Variants in ANO6 observed in about 807,000 individuals in gnomAD.
ANO6 encodes anoctamin-6.
ANO6 carries 106 observed loss-of-function variants against 117.5 expected under a neutral mutation model. The ratio of observed to expected loss-of-function variants is 0.90; its 90% CI spans 0.77 to 1.06. ANO6 has a LOEUF of 1.06. ANO6 is among the 50% of genes least tolerant of loss of function. The pLI, the probability that ANO6 is intolerant of heterozygous loss-of-function variation, is 0.00. For missense variants in ANO6, 955 were observed against 1,121.1 expected, an observed-to-expected ratio of 0.85 and a Z score of 2.12; for synonymous variants, 367 against 385.1, an observed-to-expected ratio of 0.95 and a Z score of 0.55.
At chr12:45,289,300 C>T (rs1045215311) in intron 1 of ANO6, among the ~76,000 whole-genome samples, 4 of 150,892 alleles carry the variant, frequency 2.7e-5, no homozygotes, top group Non-Finnish European at 5.9e-5. Flanking sequence ...CTGAGTAGCT[C>T]GGATTACAGG....
At chr12:45,240,907 G>T (rs1235114539) in intron 1 of ANO6, among the ~76,000 whole-genome samples, 1 of 152,194 alleles carries the variant, frequency 6.6e-6, no homozygotes, top group Non-Finnish European at 1.5e-5. Context: ...TAGGGTTTCT[G>T]CTGAGAGATG....
At chr12:45,341,760 G>A (rs577886710) in intron 3 of ANO6, among the ~76,000 whole-genome samples, 3 of 152,290 alleles carry the variant, frequency 2.0e-5, no homozygotes, top group East Asian at 3.9e-4. Context: ...GCATGGTGTA[G>A]AGGCAGAGTG....
intron 1 of ANO6, among the ~76,000 whole-genome samples, chr12:45,229,961 T>G (rs577251231): frequency 6.7e-6 from 1 of 148,688 alleles, no homozygotes; most frequent in East Asian, 2.0e-4. Context: ...AAAATCTCAC[T>G]TTGCAGGATG....
intron 1 of ANO6, among the ~76,000 whole-genome samples, chr12:45,226,803 A>G (rs1363627045): frequency 6.6e-6 from 1 of 151,720 alleles, no homozygotes; most frequent in Non-Finnish European, 1.5e-5. Context: ...AAGATAATAC[A>G]TTTTCTCTGC....
At chr12:45,362,644 A>C (rs1254627098) in intron 8 of ANO6, among the ~76,000 whole-genome samples, 1 of 151,940 alleles carries the variant, frequency 6.6e-6, no homozygotes, top group South Asian at 2.1e-4. Context: ...TTTGTGTGTT[A>C]AATAGATATT....
chr12:45,363,960 G>A (rs1941621063), intron 8 of ANO6, among the ~76,000 whole-genome samples: 1 of 152,158 alleles, frequency 6.6e-6, no homozygotes, highest in African/African-American at 2.4e-5. Flanking sequence ...TATCAGCAGT[G>A]TGAAAACAGA....
rs1941179001 is a variant in ANO6, at chr12:45,347,901, C to A, written c.346-127C>A. 7 of 881,596 alleles carry A rather than the reference C, an allele frequency of 7.9e-6. No individual in the cohort carries two copies. In the East Asian group the frequency reaches 1.8e-4, roughly 23 times the overall value. 54.6% of individuals were successfully genotyped at this position (881,596 alleles called of 1,614,324 possible). A position where few individuals can be genotyped will look rare whatever the true frequency, so the allele number is the denominator to read the frequency against. On this transcript the variant is annotated intron_variant, in intron 4 of 19. Coordinates refer to ENST00000320560, the MANE Select transcript of ANO6 (RefSeq NM_001025356.3). ...TTTGCAAATCTGTTTTTATTGTTATCTTCACTTTTAGTGGTGGTCTCTGTA... is the reference window on the plus strand; with the variant it reads ...TTTGCAAATCTGTTTTTATTGTTATATTCACTTTTAGTGGTGGTCTCTGTA...
intron 1 of ANO6, among the ~76,000 whole-genome samples, chr12:45,223,101 C>T (rs184332481): frequency 6.6e-6 from 1 of 152,218 alleles, no homozygotes; most frequent in African/African-American, 2.4e-5. Context: ...TCATCTTTAT[C>T]TTTTATAATA....
chr12:45,231,732 G>C (rs1258136355), intron 1 of ANO6, among the ~76,000 whole-genome samples: 2 of 152,080 alleles, frequency 1.3e-5, no homozygotes, highest in Non-Finnish European at 2.9e-5. Context: ...TGACCACTGG[G>C]TACATGCTTC....
In ANO6 at chr12:45,379,632, A is replaced by G. The variant is rs537171812; in HGVS notation, c.1165+1519A>G. 1.7e-3 allele frequency among the ~76,000 whole-genome samples: 253 copies of G among 152,338 alleles called. 1 individual carries two copies. In the South Asian group the frequency reaches 0.02, roughly 12 times the overall value. On this transcript the variant is annotated intron_variant, in intron 10 of 19. Transcript: ENST00000320560. Reference sequence around the variant, plus strand: ...ATCATAATGTATAACATTCTAACACATCTACTAAACTGCATATACTAATGG... The same window carrying G: ...ATCATAATGTATAACATTCTAACACGTCTACTAAACTGCATATACTAATGG...
chr12:45,376,223 G>T, intron 9 of ANO6, among the ~76,000 whole-genome samples: 1 of 139,920 alleles, frequency 7.1e-6, no homozygotes, highest in African/African-American at 2.9e-5. Context: ...AGAGGATGTG[G>T]AGAAATAGGA....
chr12:45,407,686 C>T (rs1023043854), intron 15 of ANO6, among the ~76,000 whole-genome samples: 10 of 152,100 alleles, frequency 6.6e-5, no homozygotes, highest in African/African-American at 2.4e-4. Context: ...TACACTTGGC[C>T]TCAGCCAGTG....
chr12:45,330,197 TC>T (rs1940616443), intron 2 of ANO6, among the ~76,000 whole-genome samples: 1 of 152,082 alleles, frequency 6.6e-6, no homozygotes, highest in Admixed American at 6.6e-5. Context: ...CTTCATGTGT[TC>T]CACAGTGGAA....
chr12:45,229,609 C>T (rs1436141958), intron 1 of ANO6, among the ~76,000 whole-genome samples: 6 of 151,898 alleles, frequency 4.0e-5, no homozygotes, highest in Admixed American at 2.6e-4. Context: ...AGGATGGTCT[C>T]GATCTCTTTA....
At chr12:45,349,480 C>T (rs1313059764) in intron 6 of ANO6, among the ~76,000 whole-genome samples, 5 of 152,150 alleles carry the variant, frequency 3.3e-5, no homozygotes, top group Non-Finnish European at 7.4e-5. Flanking sequence ...ATAACTAAAG[C>T]TGTTTAAACT....
Position 45,382,919 on chromosome 12 carries a change from A to C in ANO6, c.1165+4806A>C, listed in dbSNP as rs1234414944. On this transcript the variant is annotated intron_variant, in intron 10 of 19. Transcript: ENST00000320560. ...GTAGGAGGATGGTTGCTGAAGGTTT[A>C]GGTAGCTATGCAAATTTCTTAAAAT... Among the ~76,000 whole-genome samples, 3 of 152,176 alleles carry C rather than the reference A, an allele frequency of 2.0e-5. No individual in the cohort carries two copies. In the East Asian group the frequency reaches 5.8e-4, roughly 29 times the overall value.
intron 1 of ANO6, among the ~76,000 whole-genome samples, chr12:45,291,327 CAA>C (rs1939087174): frequency 1.3e-5 from 1 of 79,552 alleles, no homozygotes; most frequent in Non-Finnish European, 2.2e-5. Flanking sequence ...GCCTGGGCAA[CAA>C]GAGTGAAACT....
intron 1 of ANO6, among the ~76,000 whole-genome samples, chr12:45,246,659 T>C (rs572429138): frequency 6.6e-6 from 1 of 152,304 alleles, no homozygotes; most frequent in East Asian, 1.9e-4. Context: ...TGAAAATGTT[T>C]ACAAGTAGAC....
At chr12:45,311,022 C>T (rs1411903716) in intron 2 of ANO6, among the ~76,000 whole-genome samples, 1 of 151,486 alleles carries the variant, frequency 6.6e-6, no homozygotes, top group Non-Finnish European at 1.5e-5. Flanking sequence ...ACTTTTTTTT[C>T]AATGGAGGTT....
Sources: allele counts gnomAD v4.1 joint callset (sites outside exome capture counted in the v4.1 genomes callset), GRCh38; gene constraint gnomAD v4.1.1; transcripts MANE v1.5; gene names NCBI Gene and HGNC (gene_info 2026-07-23, HGNC 2026-07-21).